Variants in LRRC4C observed in about 807,000 individuals in gnomAD.
The protein encoded by LRRC4C is leucine rich repeat containing 4C, also known as leucine-rich repeat-containing protein 4C.
In LRRC4C, 5 loss-of-function variants were observed where a neutral mutation model predicts 33.6. The observed-to-expected ratio is 0.15, with a 90% confidence interval of 0.08 to 0.31. The LOEUF (loss-of-function observed/expected upper bound fraction) is 0.31. Among genes scored for constraint, LRRC4C ranks in the 10% least tolerant of loss-of-function variants. The probability of loss-of-function intolerance (pLI) is 1.00; values close to 1 mark genes in which losing one functional copy is unlikely to be tolerated. For synonymous variants in LRRC4C, 329 were observed against 302.0 expected (o/e 1.09, Z -0.93); for missense variants, 560 against 796.7 (o/e 0.70, Z 3.58).
At chr11:41,019,365 G>T (rs923363807) in intron 1 of LRRC4C, among the ~76,000 whole-genome samples, 1 of 152,066 alleles carries the variant, frequency 6.6e-6, no homozygotes, top group Admixed American at 6.6e-5. Context: ...CCTTTTTATG[G>T]CTGCATAGTA....
chr11:40,421,789 G>C (rs1335305086), intron 3 of LRRC4C, among the ~76,000 whole-genome samples: 1 of 152,176 alleles, frequency 6.6e-6, no homozygotes, highest in African/African-American at 2.4e-5. Context: ...TGATGTTGCA[G>C]CTCCATAAAA....
chr11:40,217,003 G>T (rs1048077755), intron 5 of LRRC4C, among the ~76,000 whole-genome samples: 1 of 152,160 alleles, frequency 6.6e-6, no homozygotes, highest in African/African-American at 2.4e-5. Context: ...ATTAATAATG[G>T]TATCTGGTTG....
chr11:41,340,464 G>C (rs983931279), intron 1 of LRRC4C, among the ~76,000 whole-genome samples: 2 of 152,106 alleles, frequency 1.3e-5, no homozygotes, highest in African/African-American at 4.8e-5. Flanking sequence ...TTAAATTTGG[G>C]ATCTAGTTTC....
intron 1 of LRRC4C, among the ~76,000 whole-genome samples, chr11:41,028,947 A>T (rs1193186311): frequency 6.6e-6 from 1 of 151,764 alleles, no homozygotes; most frequent in African/African-American, 2.4e-5. Context: ...TTATCCAGAT[A>T]TGAGACTCAG....
intron 3 of LRRC4C, among the ~76,000 whole-genome samples, chr11:40,620,478 A>G (rs561623376): frequency 1.3e-5 from 2 of 151,882 alleles, no homozygotes; most frequent in East Asian, 3.9e-4. Flanking sequence ...TAGCTCCCTG[A>G]ATTTCTTTGA....
chr11:40,873,401 G>A (rs1591957697), intron 2 of LRRC4C, among the ~76,000 whole-genome samples: 1 of 152,078 alleles, frequency 6.6e-6, no homozygotes, highest in Non-Finnish European at 1.5e-5. Flanking sequence ...AGCCTCTCAG[G>A]TGTGCCGTCA....
intron 3 of LRRC4C, among the ~76,000 whole-genome samples, chr11:40,573,871 A>G (rs1255099456): frequency 6.6e-6 from 1 of 152,160 alleles, no homozygotes; most frequent in Non-Finnish European, 1.5e-5. Context: ...TTTTTTCCCA[A>G]GAATAAACTC....
intron 3 of LRRC4C, among the ~76,000 whole-genome samples, chr11:40,510,009 A>G (rs1422458348): frequency 6.6e-6 from 1 of 152,026 alleles, no homozygotes; most frequent in Non-Finnish European, 1.5e-5. Context: ...AGGTCAGGTA[A>G]TTTACAAGTG....
intron 1 of LRRC4C, among the ~76,000 whole-genome samples, chr11:41,318,419 C>G (rs1950858674): frequency 6.6e-6 from 1 of 152,186 alleles, no homozygotes; most frequent in African/African-American, 2.4e-5. Flanking sequence ...CTGTATTGGA[C>G]TTAATTAGCA....
At chr11:41,134,397 A>G (rs1204281571) in intron 1 of LRRC4C, among the ~76,000 whole-genome samples, 1 of 152,186 alleles carries the variant, frequency 6.6e-6, no homozygotes, top group Non-Finnish European at 1.5e-5. Context: ...CTCTGGGATT[A>G]CAGGCATGTG....
chr11:40,940,672 A>G (rs906509540), intron 1 of LRRC4C, among the ~76,000 whole-genome samples: 1 of 152,160 alleles, frequency 6.6e-6, no homozygotes, highest in Non-Finnish European at 1.5e-5. Flanking sequence ...ATGCCTCCAG[A>G]ACAGGCTACA....
chr11:40,964,898 G>C (rs1197417207), intron 1 of LRRC4C, among the ~76,000 whole-genome samples: 4 of 151,994 alleles, frequency 2.6e-5, no homozygotes, highest in Non-Finnish European at 5.9e-5. Context: ...TAATAGGATG[G>C]CTGGGTCAAA....
chr11:41,429,867 G>T lies in LRRC4C; in HGVS notation c.-496+29564C>A, dbSNP rs564710164. Reference sequence around the variant, plus strand: ...AATTAAAAGAAAATCCCCTGGAGAGGTTAGATAGGAGGAAAGGGGAAGCTT... The same window carrying T: ...AATTAAAAGAAAATCCCCTGGAGAGTTTAGATAGGAGGAAAGGGGAAGCTT... On this transcript the variant is annotated intron_variant, in intron 1 of 6. Coordinates refer to ENST00000528697, the MANE Select transcript of LRRC4C (RefSeq NM_001258419.2). Among the ~76,000 whole-genome samples the T allele has an allele frequency of 3.3e-5, 5 of 152,190 alleles. No individual in the cohort carries two copies. In the South Asian group the frequency reaches 1.0e-3, roughly 32 times the overall value.
intron 1 of LRRC4C, among the ~76,000 whole-genome samples, chr11:41,183,378 G>T (rs1386873469): frequency 1.3e-5 from 2 of 151,324 alleles, no homozygotes; most frequent in Non-Finnish European, 3.0e-5. Context: ...TACAATGGAG[G>T]TGGGGCATTG....
intron 2 of LRRC4C, among the ~76,000 whole-genome samples, chr11:40,892,134 C>CA (rs58855313): frequency 0.58 from 66,151 of 113,806 alleles, 21,658 homozygotes; most frequent in East Asian, 0.79. Context: ...GATTGTGTCT[C>CA]AAAAAAAAAA....
intron 4 of LRRC4C, among the ~76,000 whole-genome samples, chr11:40,318,228 G>A (rs1261886335): frequency 1.3e-5 from 2 of 151,910 alleles, no homozygotes; most frequent in Non-Finnish European, 2.9e-5. Flanking sequence ...TGGTCAATCC[G>A]AATGCTTGCT....
At chr11:40,116,763 A>G (rs1339399194) in intron 6 of LRRC4C, among the ~76,000 whole-genome samples, 1 of 152,226 alleles carries the variant, frequency 6.6e-6, no homozygotes, top group Non-Finnish European at 1.5e-5. Flanking sequence ...TATTATATTG[A>G]AGGTTATTTT....
chr11:41,107,004 C>T (rs1941539077), intron 1 of LRRC4C, among the ~76,000 whole-genome samples: 2 of 63,054 alleles, frequency 3.2e-5, no homozygotes, highest in Admixed American at 3.5e-4. Context: ...AGAGTGAAAC[C>T]TCATCTTTAA....
intron 2 of LRRC4C, among the ~76,000 whole-genome samples, chr11:40,656,952 A>C (rs758111196): frequency 7.9e-5 from 12 of 152,166 alleles, no homozygotes; most frequent in Non-Finnish European, 1.8e-4. Flanking sequence ...TTAAATTTTT[A>C]TTTTGGCACA....
Sources: allele counts gnomAD v4.1 joint callset (sites outside exome capture counted in the v4.1 genomes callset), GRCh38; gene constraint gnomAD v4.1.1; transcripts MANE v1.5; gene names NCBI Gene and HGNC (gene_info 2026-07-23, HGNC 2026-07-21).